The following TMTC1 variants were observed in gnomAD, a reference collection of about 807,000 sequenced individuals.
The protein encoded by TMTC1 is transmembrane O-mannosyltransferase targeting cadherins 1, also known as protein O-mannosyl-transferase TMTC1.
Under a neutral mutation model 104.8 loss-of-function variants are expected in TMTC1, and 73 were observed. The observed-to-expected ratio is 0.70, with a 90% CI of 0.58 to 0.85. The LOEUF (loss-of-function observed/expected upper bound fraction) is 0.85. TMTC1 is among the 40% of genes least tolerant of loss of function. TMTC1 has a pLI of 0.00. For missense variants in TMTC1, 1,035 were observed against 1,096.1 expected, an observed-to-expected ratio of 0.94 and a Z score of 0.79; for synonymous variants, 434 against 428.7, an observed-to-expected ratio of 1.01 and a Z score of -0.15.
At chr12:29,598,962 T>A (rs1946483262) in intron 7 of TMTC1, among the ~76,000 whole-genome samples, 1 of 152,242 alleles carries the variant, frequency 6.6e-6, no homozygotes, top group African/African-American at 2.4e-5. Context: ...CAAAATATTG[T>A]TTCTGCCCTC....
chr12:29,756,031 A>T, intron 3 of TMTC1, 146 bp from the exon 4 acceptor site: 1 of 793,352 alleles, frequency 1.3e-6, no homozygotes, highest in Non-Finnish European at 2.0e-6. Flanking sequence ...AAGAGCCTTC[A>T]TCCCCACAAT....
In TMTC1 at chr12:29,506,217, C is replaced by A. The variant is rs575800171; in HGVS notation, c.*629G>T. 1 of 152,176 alleles carries A rather than the reference C, an allele frequency of 6.6e-6. No individual in the cohort carries two copies. Among genetic ancestry groups the A allele is most frequent in the Non-Finnish European group, 1.5e-5 (1 of 68,034 alleles). The allele number at this position is 152,176 out of a possible 1,614,324, so 9.4% of individuals were successfully genotyped here. ...CCCTAGGGATAAAGATATCCATGTA[C>A]AATTCCAGGAGCTTCCCTGTAATTC... On this transcript the variant is annotated 3_prime_UTR_variant, in exon 18 of 18. Coordinates refer to ENST00000539277, the MANE Select transcript of TMTC1 (RefSeq NM_001193451.2).
intron 2 of TMTC1, among the ~76,000 whole-genome samples, chr12:29,760,715 A>C (rs1943323908): frequency 6.6e-6 from 1 of 151,816 alleles, no homozygotes; most frequent in Admixed American, 6.6e-5. Context: ...AATATAAATG[A>C]ATATATATTA....
chr12:29,604,250 G>A lies in TMTC1; in HGVS notation c.1178C>T (p.Pro393Leu), dbSNP rs747690171. 23 of 1,613,796 alleles carry A rather than the reference G, an allele frequency of 1.4e-5. No individual in the cohort carries two copies. Among genetic ancestry groups the A allele is most frequent in the African/African-American group, 4.0e-5 (3 of 74,902 alleles). Residue 393 changes from proline (P) to leucine (L), a missense_variant, in exon 7 of 18, where the codon CCG (proline) becomes CTG (leucine). Pro to Leu is a moderately conservative substitution (Grantham distance 98). Transcript: ENST00000539277. ...VLVGLLFLVF[P>L]FIPASNLFFR... ...GAAGAGGTTGCTGGCTGGAATGAAC[G>A]GGAACACCAGGAACAACAAGCCGAC... is the stretch of plus-strand genomic sequence containing the variant.
intron 5 of TMTC1, among the ~76,000 whole-genome samples, chr12:29,728,160 A>G (rs1350978794): frequency 6.6e-6 from 1 of 152,218 alleles, no homozygotes; most frequent in Non-Finnish European, 1.5e-5. Context: ...CTCCGTTGTT[A>G]AAGCCAGCAC....
chr12:29,713,556 GA>G (rs903267101), intron 5 of TMTC1, among the ~76,000 whole-genome samples: 3 of 151,994 alleles, frequency 2.0e-5, no homozygotes, highest in Non-Finnish European at 4.4e-5. Flanking sequence ...ACAATATTCT[GA>G]AAATCCTATT....
At chr12:29,721,800 A>G (rs564004615) in intron 5 of TMTC1, among the ~76,000 whole-genome samples, 58 of 152,124 alleles carry the variant, frequency 3.8e-4, no homozygotes, top group African/African-American at 1.3e-3. Flanking sequence ...ATTTCTGTTG[A>G]TATCTACCAT....
chr12:29,732,056 T>C lies in TMTC1; in HGVS notation c.938+19610A>G, dbSNP rs138536029. ...ATAAATTATGTAAAATACACAGTAT[T>C]AAGCATTGTTGTAACTTTTTTTTAA... On this transcript the variant is annotated intron_variant, in intron 5 of 17. Transcript: ENST00000539277. 1.3e-3 allele frequency among the ~76,000 whole-genome samples: 203 copies of C among 152,338 alleles called. 2 individuals carry two copies. Among genetic ancestry groups the C allele is most frequent in the African/African-American group, 4.4e-3 (183 of 41,584 alleles).
At chr12:29,514,868 G>T (rs1424745005) in intron 15 of TMTC1, among the ~76,000 whole-genome samples, 2 of 151,824 alleles carry the variant, frequency 1.3e-5, no homozygotes, top group African/African-American at 4.9e-5. Flanking sequence ...ACAAAAATTA[G>T]CCAGGTGTGG....
chr12:29,738,216 A>C (rs1370874), intron 5 of TMTC1, among the ~76,000 whole-genome samples: 10,957 of 152,178 alleles, frequency 0.072, 648 homozygotes, highest in African/African-American at 0.17. Context: ...CTTGGACTTA[A>C]ACCCATTTTA....
intron 5 of TMTC1, among the ~76,000 whole-genome samples, chr12:29,674,028 G>T (rs1447225679): frequency 6.6e-6 from 1 of 151,936 alleles, no homozygotes; most frequent in African/African-American, 2.4e-5. Context: ...CAAAGTGCTG[G>T]GATTACAGGT....
At chr12:29,614,747 T>C (rs547953446) in intron 6 of TMTC1, among the ~76,000 whole-genome samples, 1 of 152,320 alleles carries the variant, frequency 6.6e-6, no homozygotes, top group South Asian at 2.1e-4. Context: ...CAGATAAAAG[T>C]AAGAACTTAA....
At chr12:29,538,195 T>G (rs1944697163) in intron 10 of TMTC1, among the ~76,000 whole-genome samples, 1 of 152,214 alleles carries the variant, frequency 6.6e-6, no homozygotes, top group Non-Finnish European at 1.5e-5. Context: ...TATTATTGAT[T>G]CACTCATTTC....
chr12:29,598,474 C>T (rs1395278783), intron 7 of TMTC1, among the ~76,000 whole-genome samples: 1 of 152,196 alleles, frequency 6.6e-6, no homozygotes, highest in Non-Finnish European at 1.5e-5. Flanking sequence ...CTATAGATCA[C>T]TCTGGGCTTT....
chr12:29,755,762 A>C lies in TMTC1; in HGVS notation c.678T>G (p.Phe226Leu), dbSNP rs1338821034. ...AGAGGTCATAAACCAAGCACACTCC[A>C]AACACCGTGATGCCTGTCTCTTTCA... ...MLVKETGITVFGVCLVYDLFS... is the reference protein window; with the variant it reads ...MLVKETGITVLGVCLVYDLFS... Residue 226 changes from phenylalanine (F) to leucine (L), a missense_variant, in exon 4 of 18, where the codon TTT (phenylalanine) becomes TTG (leucine). Transcript: ENST00000539277. 1.9e-6 allele frequency: 3 copies of C among 1,614,042 alleles called. No individual in the cohort carries two copies. Among genetic ancestry groups the C allele is most frequent in the South Asian group, 1.1e-5 (1 of 91,090 alleles).
rs1381879260 is a variant in TMTC1, at chr12:29,642,500, T to C, written c.939-9164A>G. ...TTGTATCCAGCAAAACTAAGTATCA[T>C]ATATGAAGAAAAAAAAGTCTTTTTC... On this transcript the variant is annotated intron_variant, in intron 5 of 17. Transcript: ENST00000539277. Among the ~76,000 whole-genome samples the C allele has an allele frequency of 2.0e-5, 3 of 152,068 alleles. No homozygotes were observed. In the South Asian group the frequency reaches 6.2e-4, roughly 31 times the overall value.
chr12:29,643,604 T>TTATATAATATATATCTATATATTA (rs1565733094), intron 5 of TMTC1, among the ~76,000 whole-genome samples: 10 of 39,606 alleles, frequency 2.5e-4, no homozygotes, highest in African/African-American at 1.0e-3. Context: ...ATATTATATA[T>TTATATAATATATATCTATATATTA]TATATATAAT....
intron 5 of TMTC1, among the ~76,000 whole-genome samples, chr12:29,643,694 T>TATAAC (rs1555180775): frequency 9.5e-5 from 4 of 42,212 alleles, no homozygotes; most frequent in South Asian, 6.7e-4. Context: ...ATATATATTA[T>TATAAC]ATATATTATA....
chr12:29,520,504 A>C lies in TMTC1; in HGVS notation c.1888+114T>G, dbSNP rs568696719. 5.4e-4 allele frequency: 460 copies of C among 848,052 alleles called. 6 individuals are homozygous for C. The South Asian group carries it at 6.7e-3, about 12-fold the overall frequency. 52.5% of individuals were successfully genotyped at this position (848,052 alleles called of 1,614,324 possible). On this transcript the variant is annotated intron_variant, in intron 12 of 17. Coordinates refer to ENST00000539277, the MANE Select transcript of TMTC1 (RefSeq NM_001193451.2). ...AGGTATAATGACTGTCAATAGTGTGAGCTTCCTGCCAAGCCCAGTGAATTT... is the reference window on the plus strand; with the variant it reads ...AGGTATAATGACTGTCAATAGTGTGCGCTTCCTGCCAAGCCCAGTGAATTT...
Sources: gnomAD v4.1 joint callset for allele counts (sites outside exome capture counted in the v4.1 genomes callset) on GRCh38, gnomAD v4.1.1 for gene constraint, MANE v1.5 for transcripts, NCBI Gene and HGNC (gene_info 2026-07-23, HGNC 2026-07-21) for gene names.